LTBP1: variants seen among roughly 807,000 people sequenced by gnomAD.
The protein encoded by LTBP1 is latent transforming growth factor beta binding protein 1, also known as latent-transforming growth factor beta-binding protein 1.
In LTBP1, 129 loss-of-function variants were observed where a neutral mutation model predicts 207.6. The observed-to-expected ratio is 0.62, with a 90% CI of 0.54 to 0.72. The LOEUF is 0.72. Ranked by LOEUF, LTBP1 falls within the 30% of genes least tolerant of loss-of-function variation. LTBP1 has a pLI of 0.00. For missense variants in LTBP1, 2,281 were observed against 2,217.2 expected, an observed-to-expected ratio of 1.03 and a Z score of -0.58; for synonymous variants, 963 against 833.7, an observed-to-expected ratio of 1.16 and a Z score of -2.67.
At chr2:32,972,121 T>TTTG (rs1558457104) in intron 2 of LTBP1, among the ~76,000 whole-genome samples, 2 of 133,914 alleles carry the variant, frequency 1.5e-5, no homozygotes, top group Non-Finnish European at 3.4e-5. Context: ...TTTTTTGTTT[T>TTTG]TTTTTTTCTG....
chr2:32,993,242 A>G (rs1158573612), intron 2 of LTBP1, among the ~76,000 whole-genome samples: 2 of 152,084 alleles, frequency 1.3e-5, no homozygotes. Flanking sequence ...GTATGTGGAA[A>G]GCAGCCAGCA....
chr2:33,309,549 A>T lies in LTBP1; in HGVS notation c.3597A>T (p.Thr1199=). ...PDGFQLDDNK[T]CQDINECEHP... The stretch of plus-strand genomic sequence containing the variant: ...GATTTCAGCTAGATGACAATAAAAC[A>T]TGTCAAGGTATTTCTTGCTCTTTTT... Residue 1199 remains threonine (T), a synonymous_variant, in exon 23 of 34, where the codon ACA becomes ACT. Coordinates refer to ENST00000404816, the MANE Select transcript of LTBP1 (RefSeq NM_206943.4). 1.2e-6 allele frequency: 2 copies of T among 1,604,786 alleles called. No homozygotes were observed. The highest frequency in any genetic ancestry group is 8.5e-7 in the Non-Finnish European group (1 of 1,177,166).
At chr2:33,184,151 C>G (rs1343730607) in intron 5 of LTBP1, among the ~76,000 whole-genome samples, 1 of 152,118 alleles carries the variant, frequency 6.6e-6, no homozygotes, top group Non-Finnish European at 1.5e-5. Context: ...TAATAGTTTC[C>G]TCACTGACTT....
chr2:33,249,366 CAT>C (rs1553468091), intron 10 of LTBP1, among the ~76,000 whole-genome samples: 4 of 147,556 alleles, frequency 2.7e-5, no homozygotes, highest in African/African-American at 9.9e-5. Context: ...CACACACACA[CAT>C]TTACAACCTC....
At chr2:33,274,890 T>C (rs1206668285) in intron 16 of LTBP1, 75 bp from the exon 17 acceptor site, 3 of 1,444,460 alleles carry the variant, frequency 2.1e-6, no homozygotes, top group East Asian at 4.6e-5. Context: ...AATAGTATGA[T>C]GGTATTTTAC....
Position 33,073,287 on chromosome 2 carries a change from T to G in LTBP1, c.864-37295T>G, listed in dbSNP as rs533405279. Among the ~76,000 whole-genome samples, 352 of 9,546 alleles carry G rather than the reference T, an allele frequency of 0.037. 3 individuals carry two copies. The Non-Finnish European group carries it at 0.4, about 11-fold the overall frequency. The allele number at this position is 9,546 out of a possible 152,430, so 6.3% of individuals were successfully genotyped here. ...GAATGATGTCACAGTGTTTTTTTTG[T>G]TTTTGTTTTTTTATTTTACCATGTA... On this transcript the variant is annotated intron_variant, in intron 3 of 33. Transcript: ENST00000404816.
At chr2:33,218,087 G>A (rs764892551) in intron 8 of LTBP1, among the ~76,000 whole-genome samples, 19 of 151,968 alleles carry the variant, frequency 1.3e-4, no homozygotes, top group Non-Finnish European at 1.6e-4. Flanking sequence ...TTATATTATC[G>A]GTTTTCAAAT....
intron 33 of LTBP1, 46 bp downstream of exon 33, chr2:33,397,328 C>T: frequency 6.3e-7 from 1 of 1,599,616 alleles, no homozygotes; most frequent in South Asian, 1.1e-5. Context: ...TTTCCTGACA[C>T]CCCGTATCTC....
chr2:33,273,166 GATAAA>G (rs2093356785), intron 15 of LTBP1, among the ~76,000 whole-genome samples: 1 of 152,150 alleles, frequency 6.6e-6, no homozygotes, highest in African/African-American at 2.4e-5. Context: ...GGGGATTAAT[GATAAA>G]TTTTGGAGGA....
intron 24 of LTBP1, among the ~76,000 whole-genome samples, chr2:33,339,904 C>T (rs2094597042): frequency 6.6e-6 from 1 of 152,062 alleles, no homozygotes; most frequent in Non-Finnish European, 1.5e-5. Context: ...CTCGGCCTCC[C>T]AAAGTGCTGG....
Position 32,947,553 on chromosome 2 carries a change from C to G in LTBP1, c.229C>G (p.Pro77Ala), listed in dbSNP as rs966868870. The G allele has an allele frequency of 7.3e-7, 1 of 1,366,780 alleles. No individual in the cohort carries two copies. The highest frequency in any genetic ancestry group is 1.5e-5 in the African/African-American group (1 of 65,288). 84.7% of individuals were successfully genotyped at this position (1,366,780 alleles called of 1,614,324 possible). A position where few individuals can be genotyped will look rare whatever the true frequency, so the allele number is the denominator to read the frequency against. Residue 77 changes from proline (P) to alanine (A), a missense_variant, in exon 1 of 34, where the codon CCC becomes GCC. Physicochemically the swap from Pro to Ala is conservative, Grantham distance 27. Coordinates refer to ENST00000404816, the MANE Select transcript of LTBP1 (RefSeq NM_206943.4). Reference sequence around the variant, plus strand: ...TGCCGGCGCCCCCAGCCGTGCCTCCCCCGGGGTCCCCTCGGAGAGGACCCG... The same window carrying G: ...TGCCGGCGCCCCCAGCCGTGCCTCCGCCGGGGTCCCCTCGGAGAGGACCCG... ...AAAGAPSRAS[P>A]GVPSERTRRT... is the part of the protein sequence containing the mutation.
chr2:33,182,842 A>G (rs1482841986), intron 5 of LTBP1, among the ~76,000 whole-genome samples: 1 of 151,206 alleles, frequency 6.6e-6, no homozygotes, highest in South Asian at 2.1e-4. Flanking sequence ...TTTAAAAATG[A>G]TGAGTTCTAT....
Position 33,356,916 on chromosome 2 carries a change from C to T in LTBP1, c.4001-3681C>T, listed in dbSNP as rs143129931. ...GATCTCTTTTCAGGACTATAGGCAG[C>T]GTTTCTTTGGGGGTAACTATTTACT... On this transcript the variant is annotated intron_variant, in intron 26 of 33. Transcript: ENST00000404816. Among the ~76,000 whole-genome samples the T allele has an allele frequency of 2.3e-3, 350 of 152,266 alleles. 1 individual carries two copies. Among genetic ancestry groups the T allele is most frequent in the Middle Eastern group, 0.017 (5 of 294 alleles).
At position 33,134,957 on chromosome 2, in the gene LTBP1, G is replaced by T; in HGVS notation, c.1198G>T (p.Val400Leu). 6.2e-7 allele frequency: 1 copy of T among 1,610,008 alleles called. No individual in the cohort carries two copies. The highest frequency in any genetic ancestry group is 8.5e-7 in the Non-Finnish European group (1 of 1,178,074). ...ADTLTATNFRVVICHLPCMNG... is the reference protein window; with the variant it reads ...ADTLTATNFRLVICHLPCMNG... ...CACCCTGACGGCCACGAACTTCCGA[G>T]TGGGTGAGTTCCTCCACGGTCCCTA... The change falls in exon 5 of 34, where the codon GTG (valine) becomes TTG (leucine). Residue 400 changes from valine to leucine, a missense_variant. Physicochemically the swap from Val to Leu is conservative, Grantham distance 32 (BLOSUM62 1). This residue lies in a region of LTBP1 where 55 missense variants were observed against 91.5 expected (regional missense o/e 0.60). Coordinates refer to ENST00000404816, the MANE Select transcript of LTBP1 (RefSeq NM_206943.4). This position sits in a 1 kb window ranked among gnomAD's most constrained non-coding sequence, Gnocchi z 4.4.
At chr2:32,964,542 AT>A (rs549722429) in intron 2 of LTBP1, among the ~76,000 whole-genome samples, 31 of 151,762 alleles carry the variant, frequency 2.0e-4, no homozygotes, top group East Asian at 9.7e-4. Context: ...AAGTAAATAG[AT>A]TTTTTTTTCT....
chr2:33,159,309 A>G (rs907562108), intron 5 of LTBP1, among the ~76,000 whole-genome samples: 1 of 152,196 alleles, frequency 6.6e-6, no homozygotes, highest in Admixed American at 6.5e-5. Context: ...TCGAACCTTG[A>G]GTGCTTGCTT....
intron 15 of LTBP1, 137 bp downstream of exon 15, chr2:33,263,529 A>G (rs1434252135): frequency 8.5e-6 from 5 of 587,362 alleles, no homozygotes; most frequent in Admixed American, 2.9e-5. Context: ...AATCATCTAA[A>G]TACAGTTAAA....
intron 3 of LTBP1, among the ~76,000 whole-genome samples, chr2:33,027,041 A>G (rs1558531874): frequency 6.6e-6 from 1 of 152,002 alleles, no homozygotes; most frequent in African/African-American, 2.4e-5. Context: ...GTTTTTTTTC[A>G]CTCAGTGTTA....
At chr2:33,151,676 A>G (rs1189320832) in intron 5 of LTBP1, among the ~76,000 whole-genome samples, 1 of 152,068 alleles carries the variant, frequency 6.6e-6, no homozygotes, top group Admixed American at 6.6e-5. Flanking sequence ...TTGTGTCCTC[A>G]TAGCTTAGCT....
Sources: allele counts gnomAD v4.1 joint callset (sites outside exome capture counted in the v4.1 genomes callset), GRCh38; gene constraint gnomAD v4.1.1; regional missense constraint gnomAD v4.1.1; non-coding constraint Gnocchi (gnomAD v3.1); transcripts MANE v1.5; gene names NCBI Gene and HGNC (gene_info 2026-07-23, HGNC 2026-07-21).